Variants in PLBD1 observed in about 807,000 individuals in gnomAD.
The protein encoded by PLBD1 is phospholipase B domain containing 1, also known as lysosomal leucine aminopeptidase.
Under a neutral mutation model 63.0 loss-of-function variants are expected in PLBD1, and 60 were observed. The observed-to-expected ratio is 0.95, with a 90% CI of 0.77 to 1.18. The LOEUF is 1.18. PLBD1 is among the 50% of genes most tolerant of loss of function. The pLI, the probability that PLBD1 is intolerant of heterozygous loss-of-function variation, is 0.00. For missense variants in PLBD1, 598 were observed against 677.9 expected (o/e 0.88, Z 1.31); for synonymous variants, 262 against 248.0 (o/e 1.06, Z -0.53).
In PLBD1 at chr12:14,540,855, T is replaced by A. The variant is rs1945565848; in HGVS notation, c.467A>T (p.Asp156Val). ...ATAGCCTGTATGTCTCCAAAATGAA[T>A]CAGTCTTGTATTCTTTGATATTTTT... ...TRKNIKEYKT[D>V]SFWRHTGYVM... Residue 156 changes from aspartate to valine, a missense_variant, in exon 4 of 11, where the codon GAT becomes GTT. Coordinates refer to ENST00000240617, the MANE Select transcript of PLBD1 (RefSeq NM_024829.6). 6.2e-7 allele frequency: 1 copy of A among 1,611,604 alleles called. No individual in the cohort carries two copies. The highest frequency in any genetic ancestry group is 1.3e-5 in the African/African-American group (1 of 74,896).
At chr12:14,511,187 T>C in intron 8 of PLBD1, 73 bp downstream of exon 8, 5 of 597,540 alleles carry the variant, frequency 8.4e-6, no homozygotes, top group Non-Finnish European at 1.4e-5. Flanking sequence ...ATTCACACAA[T>C]GTGCATTCCC....
chr12:14,517,505 A>G (rs775616322), intron 6 of PLBD1, among the ~76,000 whole-genome samples: 1 of 152,206 alleles, frequency 6.6e-6, no homozygotes, highest in Non-Finnish European at 1.5e-5. Flanking sequence ...TCTAAAAAAA[A>G]AAAGAAATGG....
chr12:14,567,524 C>T (rs991496342), intron 1 of PLBD1, 58 bp downstream of exon 1: 1 of 1,426,756 alleles, frequency 7.0e-7, no homozygotes, highest in African/African-American at 1.5e-5. Context: ...GGCACGGGCG[C>T]TAACAGGCTC....
In PLBD1 at chr12:14,541,399, A is replaced by G. The variant is rs1016700726; in HGVS notation, c.420-497T>C. 4.6e-5 allele frequency among the ~76,000 whole-genome samples: 7 copies of G among 152,210 alleles called. No individual in the cohort carries two copies. The East Asian group carries it at 1.3e-3, about 29-fold the overall frequency. ...TCATTCCGTTTCAGTTGTTATTAGT[A>G]ACCGCTTCAATGCCTCTGTCCTAGC... On this transcript the variant is annotated intron_variant, in intron 3 of 10. Transcript: ENST00000240617.
intron 4 of PLBD1, among the ~76,000 whole-genome samples, chr12:14,540,146 C>A (rs1201308181): frequency 4.4e-5 from 3 of 68,804 alleles, no homozygotes; most frequent in Admixed American, 1.9e-4. Context: ...GCAAAATAGA[C>A]AAAACATAAT....
chr12:14,551,650 G>A (rs549941718), intron 2 of PLBD1, among the ~76,000 whole-genome samples: 1 of 152,100 alleles, frequency 6.6e-6, no homozygotes, highest in Non-Finnish European at 1.5e-5. Flanking sequence ...AAATATCCAA[G>A]GGAAACGTGC....
At chr12:14,526,434 G>A (rs1243862703) in intron 6 of PLBD1, among the ~76,000 whole-genome samples, 1 of 152,116 alleles carries the variant, frequency 6.6e-6, no homozygotes, top group Non-Finnish European at 1.5e-5. Context: ...TGGTAATGAT[G>A]GCCAGTTCCT....
At position 14,536,673 on chromosome 12, in the gene PLBD1, A is replaced by G. The variant is rs371621540; in HGVS notation, c.596T>C (p.Val199Ala). The G allele has an allele frequency of 1.2e-6, 2 of 1,614,208 alleles. No homozygotes were observed. The highest frequency in any genetic ancestry group is 1.7e-5 in the Admixed American group (1 of 60,028). The change falls in exon 5 of 11, where the codon GTT becomes GCT. Residue 199 changes from valine to alanine, a missense_variant. Coordinates refer to ENST00000240617, the MANE Select transcript of PLBD1 (RefSeq NM_024829.6). ...TLFQIQFLNS[V>A]GDLLDLIPSL... is the part of the protein sequence containing the mutation. ...GGGAATCAGATCCAATAGATCTCCA[A>G]CACTATTCAGGAACTGAATCTGGAA...
At chr12:14,518,136 A>G (rs531373839) in intron 6 of PLBD1, among the ~76,000 whole-genome samples, 3 of 152,176 alleles carry the variant, frequency 2.0e-5, no homozygotes, top group Non-Finnish European at 2.9e-5. Context: ...AGCTGAGATC[A>G]CACCACTGCA....
chr12:14,535,338 T>C (rs1018403616), intron 6 of PLBD1, among the ~76,000 whole-genome samples: 12 of 152,222 alleles, frequency 7.9e-5, no homozygotes, highest in African/African-American at 1.9e-4. Context: ...CATGTCTTCA[T>C]TGCTTCTGCC....
rs565814359 is a variant in PLBD1, at chr12:14,542,074, C to A, written c.419+134G>T. On this transcript the variant is annotated intron_variant, in intron 3 of 10. Coordinates refer to ENST00000240617, the MANE Select transcript of PLBD1 (RefSeq NM_024829.6). ...CATGCCATTAGCAAAAAGTGCTATA[C>A]CCTACTACAAGAATAACTCTAGAGT... is the stretch of plus-strand genomic sequence containing the variant. The A allele has an allele frequency of 4.8e-4, 318 of 662,498 alleles. 1 individual carries two copies. Among genetic ancestry groups the A allele is most frequent in the Middle Eastern group, 1.0e-3 (3 of 2,968 alleles). The allele number at this position is 662,498 out of a possible 1,614,324, so 41.0% of individuals were successfully genotyped here.
intron 5 of PLBD1, 81 bp downstream of exon 5, chr12:14,536,489 T>C: frequency 6.8e-7 from 1 of 1,465,726 alleles, no homozygotes; most frequent in Non-Finnish European, 9.4e-7. Flanking sequence ...CCAGGGGTGA[T>C]GAGATGTTGC....
At position 14,511,509 on chromosome 12, in the gene PLBD1, A is replaced by T; in HGVS notation, c.1045+2T>A. 6.2e-7 allele frequency: 1 copy of T among 1,614,202 alleles called. No homozygotes were observed. Among genetic ancestry groups the T allele is most frequent in the Non-Finnish European group, 8.5e-7 (1 of 1,180,032 alleles). Reference sequence around the variant, plus strand: ...TAACAGTTATTCTGCAGGGTCACTTACCAGAGTTGTATTTTGAAAAGATGT... The same window carrying T: ...TAACAGTTATTCTGCAGGGTCACTTTCCAGAGTTGTATTTTGAAAAGATGT... On this transcript the variant is annotated splice_donor_variant, in intron 7 of 10. Coordinates refer to ENST00000240617, the MANE Select transcript of PLBD1 (RefSeq NM_024829.6). LOFTEE classifies it high-confidence loss of function.
chr12:14,553,826 CT>C, intron 1 of PLBD1: 1 of 207,590 alleles, frequency 4.8e-6, no homozygotes. Flanking sequence ...TGATCGTCCT[CT>C]TTGACTGAGC....
chr12:14,556,915 C>T (rs758868242), intron 1 of PLBD1, among the ~76,000 whole-genome samples: 8 of 134,116 alleles, frequency 6.0e-5, no homozygotes, highest in Non-Finnish European at 9.2e-5. Context: ...ACCTGGGAGG[C>T]GGAGGTTGCA....
At chr12:14,560,918 G>A (rs1203452023) in intron 1 of PLBD1, among the ~76,000 whole-genome samples, 3 of 151,976 alleles carry the variant, frequency 2.0e-5, no homozygotes, top group Admixed American at 6.6e-5. Context: ...CCCAGGGATG[G>A]AGGACCCAGC....
chr12:14,503,817 A>G lies in PLBD1; in HGVS notation c.1617T>C (p.Phe539=), dbSNP rs781678196. The G allele has an allele frequency of 9.3e-6, 15 of 1,613,554 alleles. No individual in the cohort carries two copies. The Admixed American group carries it at 2.5e-4, about 27-fold the overall frequency. The part of the protein sequence containing the change: ...LHQGMPEVYN[F]DFITMKPILK... ...AAATTGGTTTCATGGTAATAAAATC[A>G]AAGTTGTAGACCTCTGGCATGCCCT... Residue 539 remains phenylalanine, a synonymous_variant, in exon 11 of 11, where the codon TTT becomes TTC. Transcript: ENST00000240617.
At chr12:14,504,851 C>T (rs1017109242) in intron 10 of PLBD1, among the ~76,000 whole-genome samples, 6 of 152,186 alleles carry the variant, frequency 3.9e-5, no homozygotes, top group African/African-American at 1.4e-4. Flanking sequence ...AGATAAATTA[C>T]ATTTTTAAAG....
In PLBD1 at chr12:14,506,964, C is replaced by T. The variant is rs769990236; in HGVS notation, c.1341G>A (p.Thr447=). The T allele has an allele frequency of 4.2e-5, 67 of 1,613,858 alleles. No individual in the cohort carries two copies. Among genetic ancestry groups the T allele is most frequent in the South Asian group, 6.6e-5 (6 of 91,054 alleles). The change falls in exon 9 of 11, where the codon ACG becomes ACA. Residue 447 remains threonine (T), a synonymous_variant. Transcript: ENST00000240617. ...FRRDQGKVTD[T]ASMKYIMRYN... is the part of the protein sequence containing the mutation. ...ATCGCATGATATATTTCATGGATGC[C>T]GTATCAGTCACTTTCCCTTGGTCAC...
Sources: allele counts gnomAD v4.1 joint callset (sites outside exome capture counted in the v4.1 genomes callset), GRCh38; gene constraint gnomAD v4.1.1; transcripts MANE v1.5; gene names NCBI Gene and HGNC (gene_info 2026-07-23, HGNC 2026-07-21).